Variants in WDR48 observed in about 807,000 individuals in gnomAD.
WDR48 encodes the protein WD repeat domain 48, also known as WD repeat-containing protein 48.
A neutral mutation model predicts 94.0 loss-of-function variants in WDR48; 22 were observed. The ratio of observed to expected loss-of-function variants is 0.23; its 90% CI spans 0.17 to 0.33. WDR48 has a LOEUF of 0.33. Ranked by LOEUF, WDR48 falls within the 10% of genes least tolerant of loss-of-function variation. The pLI, the probability that WDR48 is intolerant of heterozygous loss-of-function variation, is 1.00. For synonymous variants in WDR48, 278 were observed against 280.5 expected (o/e 0.99, Z 0.09); for missense variants, 541 against 813.8 (o/e 0.66, Z 4.08).
intron 17 of WDR48, 103 bp from the exon 18 acceptor site, chr3:39,093,771 T>G: frequency 7.9e-7 from 1 of 1,271,464 alleles, no homozygotes; most frequent in Non-Finnish European, 1.0e-6. Flanking sequence ...ATTTATTGGT[T>G]TATTTTTCAT....
intron 5 of WDR48, among the ~76,000 whole-genome samples, chr3:39,067,276 T>TAA (rs1472321515): frequency 6.6e-5 from 10 of 152,218 alleles, no homozygotes; most frequent in Admixed American, 5.9e-4. Flanking sequence ...TTTCTGACTT[T>TAA]TTAAAGTGTT....
chr3:39,096,140 A>G lies in WDR48; in HGVS notation c.*1397A>G, dbSNP rs2035318554. On this transcript the variant is annotated 3_prime_UTR_variant, in exon 19 of 19. Coordinates refer to ENST00000302313, the MANE Select transcript of WDR48 (RefSeq NM_020839.4). ...ATACCTTACTATTTAAGATACTCTG[A>G]TCGCACAACTGCAGAGACAGGGTTC... is the stretch of plus-strand genomic sequence containing the variant. 1.3e-5 allele frequency: 2 copies of G among 152,636 alleles called. No homozygotes were observed. The highest frequency in any genetic ancestry group is 6.5e-5 in the Admixed American group (1 of 15,286). The allele number at this position is 152,636 out of a possible 1,614,324, so 9.5% of individuals were successfully genotyped here.
At chr3:39,079,016 C>T (rs1252239241) in intron 10 of WDR48, among the ~76,000 whole-genome samples, 2 of 134,520 alleles carry the variant, frequency 1.5e-5, no homozygotes, top group East Asian at 2.2e-4. Flanking sequence ...GGCGACAGAG[C>T]GAGACTCCGT....
At chr3:39,071,443 C>T (rs1012799255) in intron 7 of WDR48, among the ~76,000 whole-genome samples, 6 of 152,150 alleles carry the variant, frequency 3.9e-5, no homozygotes, top group South Asian at 2.1e-4. Context: ...CAGGATTGGG[C>T]GGGATCATAT....
intron 9 of WDR48, among the ~76,000 whole-genome samples, chr3:39,077,748 A>C (rs1349311860): frequency 6.6e-6 from 1 of 152,252 alleles, no homozygotes; most frequent in African/African-American, 2.4e-5. Flanking sequence ...TGCTTACCAG[A>C]CTATCTGTAG....
rs539581613 is a variant in WDR48, at chr3:39,091,957, A to G, written c.1745+256A>G. On this transcript the variant is annotated intron_variant, in intron 17 of 18. Transcript: ENST00000302313. ...GAGGGTGAGGTGGGAGGATTAATTG[A>G]GGCCAGGAGTTTGAGACCAGCCTGA... Among the ~76,000 whole-genome samples the G allele has an allele frequency of 2.0e-5, 3 of 152,354 alleles. No individual in the cohort carries two copies. In the South Asian group the frequency reaches 6.2e-4, roughly 32 times the overall value.
chr3:39,071,696 A>C (rs2125655913), intron 7 of WDR48, among the ~76,000 whole-genome samples: 1 of 152,342 alleles, frequency 6.6e-6, no homozygotes. Context: ...TGCAAACTTG[A>C]TAGGTATCAC....
chr3:39,066,811 A>G lies in WDR48; in HGVS notation c.417A>G (p.Arg139=). The G allele has an allele frequency of 6.2e-7, 1 of 1,614,094 alleles. No homozygotes were observed. Among genetic ancestry groups the G allele is most frequent in the Non-Finnish European group, 8.5e-7 (1 of 1,179,950 alleles). ...TAGTAGCATCAGCTGGGTTGGACAG[A>G]CAAATATTCCTTTGGGATGTGAATA... The part of the protein sequence containing the change: ...KELVASAGLD[R]QIFLWDVNTL... Residue 139 remains arginine (R), a synonymous_variant, in exon 5 of 19, where the codon AGA becomes AGG. Transcript: ENST00000302313.
At chr3:39,073,665 C>T (rs1327893035) in intron 7 of WDR48, among the ~76,000 whole-genome samples, 1 of 152,054 alleles carries the variant, frequency 6.6e-6, no homozygotes, top group Non-Finnish European at 1.5e-5. Context: ...AGTCTTTTTC[C>T]ACCTGAGCAC....
intron 18 of WDR48, chr3:39,094,281 T>C (rs1363912662): frequency 2.0e-5 from 28 of 1,429,882 alleles, no homozygotes; most frequent in Non-Finnish European, 5.5e-6. Context: ...GTAGCTTTTT[T>C]TTCTGACAAG....
intron 8 of WDR48, 58 bp from the exon 9 acceptor site, chr3:39,077,081 C>G (rs2034265454): frequency 6.3e-7 from 1 of 1,587,714 alleles, no homozygotes; most frequent in African/African-American, 1.3e-5. Flanking sequence ...ATATCTAGTC[C>G]TGGCAGTTCA....
rs2032750525 is a variant in WDR48, at chr3:39,054,829, A to T, written c.48+2756A>T. Among the ~76,000 whole-genome samples, 3 of 151,834 alleles carry T rather than the reference A, an allele frequency of 2.0e-5. No homozygotes were observed. In the South Asian group the frequency reaches 6.2e-4, roughly 31 times the overall value. On this transcript the variant is annotated intron_variant, in intron 1 of 18. Transcript: ENST00000302313. ...CCAGGGAGGCCTCAAAGAGAGAGAGAGTCAAAAAAGCAAGTCAACATGGCA... is the reference window on the plus strand; with the variant it reads ...CCAGGGAGGCCTCAAAGAGAGAGAGTGTCAAAAAAGCAAGTCAACATGGCA...
chr3:39,094,306 GTCT>G lies in WDR48; in HGVS notation c.1938+245_1938+247del, dbSNP rs1430823496. On this transcript the variant is annotated intron_variant, in intron 18 of 18. Transcript: ENST00000302313. ...TTTCTGACAAGAAAAAAGACACATG[GTCT>G]TCTTGATTTGCAAAAAGCATGTGCC... The G allele has an allele frequency of 4.2e-6, 6 of 1,424,000 alleles. No individual in the cohort carries two copies. In the African/African-American group the frequency reaches 5.8e-5, roughly 14 times the overall value. 88.2% of individuals were successfully genotyped at this position (1,424,000 alleles called of 1,614,324 possible).
At chr3:39,088,440 T>G (rs764934689) in intron 15 of WDR48, among the ~76,000 whole-genome samples, 1 of 152,224 alleles carries the variant, frequency 6.6e-6, no homozygotes, top group Non-Finnish European at 1.5e-5. Flanking sequence ...AACTCTAGTG[T>G]TCGAATGAGG....
intron 1 of WDR48, 44 bp from the exon 2 acceptor site, chr3:39,063,006 A>T (rs113931979): frequency 1.2e-5 from 19 of 1,606,374 alleles, no homozygotes; most frequent in Non-Finnish European, 1.6e-5. Context: ...TTATTACTGC[A>T]TGGCTTGTAC....
chr3:39,066,040 A>G, intron 3 of WDR48, 151 bp downstream of exon 3: 1 of 602,164 alleles, frequency 1.7e-6, no homozygotes, highest in Admixed American at 3.5e-5. Flanking sequence ...AAATCAAGAA[A>G]CAATATTACT....
chr3:39,091,593 C>G (rs4676581), intron 16 of WDR48, 32 bp from the exon 17 acceptor site: 31,980 of 1,501,630 alleles, frequency 0.021, 938 homozygotes, highest in East Asian at 0.15. Context: ...CTAATAGAAA[C>G]TGTTATACCT....
At position 39,085,568 on chromosome 3, in the gene WDR48, C is replaced by T; in HGVS notation, c.1432C>T (p.His478Tyr). 1 of 1,611,970 alleles carries T rather than the reference C, an allele frequency of 6.2e-7. No homozygotes were observed. The highest frequency in any genetic ancestry group is 8.5e-7 in the Non-Finnish European group (1 of 1,179,438). ...QALLEYWPRTHVNPMDEEENE... is the reference protein window; with the variant it reads ...QALLEYWPRTYVNPMDEEENE... Reference sequence around the variant, plus strand: ...ACTCCTGGAATATTGGCCTAGAACACATGTGAATCCAATGGATGAAGAGGA... The same window carrying T: ...ACTCCTGGAATATTGGCCTAGAACATATGTGAATCCAATGGATGAAGAGGA... The change falls in exon 14 of 19, where the codon CAT becomes TAT. Residue 478 changes from histidine (H) to tyrosine (Y), a missense_variant. Transcript: ENST00000302313.
At chr3:39,069,938 CAA>C (rs2033835021) in intron 7 of WDR48, among the ~76,000 whole-genome samples, 194 bp downstream of exon 7, 1 of 152,180 alleles carries the variant, frequency 6.6e-6, no homozygotes, top group African/African-American at 2.4e-5. Context: ...TTTAACAAAA[CAA>C]AGAATTTCCT....
Sources: gnomAD v4.1 joint callset for allele counts (sites outside exome capture counted in the v4.1 genomes callset) on GRCh38, gnomAD v4.1.1 for gene constraint, MANE v1.5 for transcripts, NCBI Gene and HGNC (gene_info 2026-07-23, HGNC 2026-07-21) for gene names.